Variants in EPB41L3 observed in about 807,000 individuals in gnomAD.
The protein encoded by EPB41L3 is erythrocyte membrane protein band 4.1 like 3.
EPB41L3 carries 57 observed loss-of-function variants against 127.1 expected under a neutral mutation model. That is an observed-to-expected ratio of 0.45 (90% CI 0.36 to 0.56). The LOEUF (loss-of-function observed/expected upper bound fraction) is 0.56. Ranked by LOEUF, EPB41L3 falls within the 20% of genes least tolerant of loss-of-function variation. The pLI is 0.00. For missense variants in EPB41L3, 1,273 were observed against 1,372.2 expected, an observed-to-expected ratio of 0.93 and a Z score of 1.14; for synonymous variants, 572 against 549.5, an observed-to-expected ratio of 1.04 and a Z score of -0.57.
chr18:5,510,837 A>G lies in EPB41L3; in HGVS notation c.-11-21643T>C, dbSNP rs1259317612. 5.9e-5 allele frequency among the ~76,000 whole-genome samples: 9 copies of G among 152,186 alleles called. No homozygotes were observed. The South Asian group carries it at 1.0e-3, about 17-fold the overall frequency. ...GTATACCCCATCACCCTCAAATTTT[A>G]TCTGGTAAAATCATTAAGTCTACAT... On this transcript the variant is annotated intron_variant, in intron 1 of 22. Transcript: ENST00000341928.
At chr18:5,615,225 T>A (rs1176275718) in intron 1 of EPB41L3, among the ~76,000 whole-genome samples, 1 of 152,182 alleles carries the variant, frequency 6.6e-6, no homozygotes, top group East Asian at 1.9e-4. Flanking sequence ...CTGCTTCTTA[T>A]ATTTTCCTTT....
chr18:5,549,578 C>A (rs1344726271), intron 3 of EPB41L3, among the ~76,000 whole-genome samples: 4 of 152,136 alleles, frequency 2.6e-5, no homozygotes, highest in Non-Finnish European at 5.9e-5. Flanking sequence ...CAATAAAAAT[C>A]TTAAAAAGAA....
chr18:5,415,339 G>C (rs1358342873), intron 13 of EPB41L3, among the ~76,000 whole-genome samples: 1 of 152,210 alleles, frequency 6.6e-6, no homozygotes, highest in South Asian at 2.1e-4. Context: ...GATCTCCAGG[G>C]AGGAGATACC....
intron 1 of EPB41L3, among the ~76,000 whole-genome samples, chr18:5,501,996 A>G (rs867428405): frequency 6.6e-6 from 1 of 152,042 alleles, no homozygotes; most frequent in Non-Finnish European, 1.5e-5. Context: ...CTGTTATGAA[A>G]GCGTTAAGAG....
intron 16 of EPB41L3, among the ~76,000 whole-genome samples, chr18:5,403,793 G>C (rs1256617064): frequency 2.0e-5 from 3 of 151,772 alleles, no homozygotes; most frequent in African/African-American, 7.3e-5. Flanking sequence ...ATTGAAGTAG[G>C]CTTTATTATA....
At chr18:5,413,595 A>G (rs2076451676) in intron 13 of EPB41L3, among the ~76,000 whole-genome samples, 1 of 152,250 alleles carries the variant, frequency 6.6e-6, no homozygotes, top group African/African-American at 2.4e-5. Context: ...AGATTAAATC[A>G]GGCCATGTAA....
At chr18:5,556,391 T>G (rs192492176) in intron 3 of EPB41L3, among the ~76,000 whole-genome samples, 10 of 152,358 alleles carry the variant, frequency 6.6e-5, no homozygotes, top group Non-Finnish European at 1.3e-4. Flanking sequence ...TAGCCAGAGC[T>G]GCTGACGACA....
At chr18:5,624,403 C>A (rs942488573) in intron 1 of EPB41L3, among the ~76,000 whole-genome samples, 1 of 152,218 alleles carries the variant, frequency 6.6e-6, no homozygotes, top group African/African-American at 2.4e-5. Context: ...ACATTCTATT[C>A]TACTTTTGAA....
At chr18:5,420,147 T>C (rs574559848) in intron 11 of EPB41L3, 348 of 563,598 alleles carry the variant, frequency 6.2e-4, no homozygotes, top group Non-Finnish European at 5.9e-4. Flanking sequence ...AATGCTCATG[T>C]CTTGGAATTT....
chr18:5,436,591 G>A (rs1013380095), intron 6 of EPB41L3, among the ~76,000 whole-genome samples: 1 of 151,860 alleles, frequency 6.6e-6, no homozygotes, highest in Non-Finnish European at 1.5e-5. Context: ...TGTATTTTTA[G>A]TGGAGACAGG....
intron 3 of EPB41L3, among the ~76,000 whole-genome samples, chr18:5,475,913 G>C (rs1183906102): frequency 6.6e-6 from 1 of 151,860 alleles, no homozygotes; most frequent in Non-Finnish European, 1.5e-5. Flanking sequence ...CAGTTTCAAG[G>C]AGAGCCAACA....
rs771135161 is a variant in EPB41L3, at chr18:5,416,335, G to A, written c.1550C>T (p.Ser517Phe). Residue 517 changes from serine to phenylalanine, a missense_variant, in exon 13 of 23, where the codon TCC becomes TTC. Physicochemically the swap from Ser to Phe is radical, Grantham distance 155. Transcript: ENST00000341928. ...GGGAGATGTGGGGGCACAATGGGTG[G>A]ATGGGGGTGACAAGGGACATGAGTC... ...GTDSCPLSPP[S>F]THCAPTSPTE... 1.2e-5 allele frequency: 20 copies of A among 1,613,852 alleles called. No homozygotes were observed. The highest frequency in any genetic ancestry group is 1.7e-5 in the Admixed American group (1 of 60,000).
chr18:5,449,580 GTTC>G (rs1303824595), intron 3 of EPB41L3, among the ~76,000 whole-genome samples: 2 of 152,206 alleles, frequency 1.3e-5, no homozygotes, highest in South Asian at 2.1e-4. Context: ...CAACCAAGAA[GTTC>G]TTCTTTATGT....
At chr18:5,515,549 T>C (rs1313852898) in intron 1 of EPB41L3, among the ~76,000 whole-genome samples, 2 of 143,812 alleles carry the variant, frequency 1.4e-5, no homozygotes, top group African/African-American at 5.4e-5. Context: ...ACTCTCTTGG[T>C]CTTTTACATA....
rs763231704 is a variant in EPB41L3 at position 5,423,478 on chromosome 18, T to C, written c.1239A>G (p.Gln413=). Residue 413 remains glutamine (Q), a synonymous_variant, in exon 11 of 23, where the codon CAA becomes CAG. Transcript: ENST00000341928. The part of the protein sequence containing the change: ...GSKFRYSGRT[Q]AQTRRASALI... ...ACGCACTGGCTCTTCTCGTTTGCGC[T>C]TGTGTCCTGCCACTATAACGAAACT... 1.2e-6 allele frequency: 2 copies of C among 1,614,036 alleles called. No homozygotes were observed. The highest frequency in any genetic ancestry group is 1.7e-5 in the Admixed American group (1 of 60,020).
At chr18:5,604,704 T>C (rs1417924892) in intron 3 of EPB41L3, among the ~76,000 whole-genome samples, 3 of 152,164 alleles carry the variant, frequency 2.0e-5, no homozygotes, top group Non-Finnish European at 2.9e-5. Flanking sequence ...TCTGCCCACC[T>C]TGGCCTCCCA....
At chr18:5,498,503 A>C (rs2091398993) in intron 1 of EPB41L3, among the ~76,000 whole-genome samples, 1 of 146,486 alleles carries the variant, frequency 6.8e-6, no homozygotes, top group Non-Finnish European at 1.5e-5. Context: ...CTGAGTAATG[A>C]GAATCACTTG....
rs1382251765 is a variant in EPB41L3 at position 5,393,053 on chromosome 18, G to A, written c.*432C>T. On this transcript the variant is annotated 3_prime_UTR_variant, in exon 23 of 23. Coordinates refer to ENST00000341928, the MANE Select transcript of EPB41L3 (RefSeq NM_012307.5). ...CCTAGACAGCTTCTAGCATTTGAGG[G>A]TAATCTTCATTTATTGTAAATATAA... 1.9e-5 allele frequency: 3 copies of A among 158,808 alleles called. No homozygotes were observed. Among genetic ancestry groups the A allele is most frequent in the African/African-American group, 7.2e-5 (3 of 41,726 alleles). 9.8% of individuals were successfully genotyped at this position (158,808 alleles called of 1,614,324 possible). A position where few individuals can be genotyped will look rare whatever the true frequency, so the allele number is the denominator to read the frequency against.
At chr18:5,465,183 C>T (rs2084738662) in intron 3 of EPB41L3, among the ~76,000 whole-genome samples, 1 of 152,232 alleles carries the variant, frequency 6.6e-6, no homozygotes, top group African/African-American at 2.4e-5. Flanking sequence ...CTCACCTTCT[C>T]AATTCTACCA....
Sources: gnomAD v4.1 joint callset for allele counts (sites outside exome capture counted in the v4.1 genomes callset) on GRCh38, gnomAD v4.1.1 for gene constraint, MANE v1.5 for transcripts, NCBI Gene and HGNC (gene_info 2026-07-23, HGNC 2026-07-21) for gene names.